Variants in NVL observed in about 807,000 individuals in gnomAD.
The protein encoded by NVL is nuclear VCP like, also known as nuclear valosin-containing protein-like.
A neutral mutation model predicts 110.2 loss-of-function variants in NVL; 84 were observed. That is an observed-to-expected ratio of 0.76 (90% confidence interval 0.64 to 0.91). NVL has a LOEUF of 0.91. Among genes scored for constraint, NVL ranks in the 40% least tolerant of loss-of-function variants. The pLI, the probability that NVL is intolerant of heterozygous loss-of-function variation, is 0.00. For synonymous variants in NVL, 354 were observed against 361.1 expected (o/e 0.98, Z 0.22); for missense variants, 882 against 1,035.9 (o/e 0.85, Z 2.04).
chr1:224,311,759 A>C, intron 5 of NVL, 41 bp downstream of exon 5: 1 of 1,539,664 alleles, frequency 6.5e-7, no homozygotes, highest in Non-Finnish European at 9.0e-7. Flanking sequence ...AACAACTAAA[A>C]AAGAAAAAAT....
At chr1:224,316,957 G>A (rs1351641678) in intron 4 of NVL, among the ~76,000 whole-genome samples, 1 of 151,948 alleles carries the variant, frequency 6.6e-6, no homozygotes, top group Non-Finnish European at 1.5e-5. Context: ...GGCCAACATG[G>A]TGAAACCCCG....
At chr1:224,233,373 T>G (rs946485218) in intron 20 of NVL, 84 bp from the exon 21 acceptor site, 4 of 957,980 alleles carry the variant, frequency 4.2e-6, no homozygotes, top group Non-Finnish European at 6.0e-6. Context: ...TTCATATAAG[T>G]CATATATTAA....
chr1:224,306,660 C>T (rs761882054), intron 6 of NVL, among the ~76,000 whole-genome samples: 3 of 152,046 alleles, frequency 2.0e-5, no homozygotes, highest in Non-Finnish European at 2.9e-5. Context: ...GGCCAAACGC[C>T]ATCTCTACAA....
intron 1 of NVL, among the ~76,000 whole-genome samples, chr1:224,329,575 T>C (rs1445229898): frequency 6.6e-6 from 1 of 152,238 alleles, no homozygotes; most frequent in East Asian, 1.9e-4. Context: ...TGCTTTTTAC[T>C]GATGGTCATG....
chr1:224,252,124 A>T (rs190390714), intron 18 of NVL, among the ~76,000 whole-genome samples: 99 of 151,998 alleles, frequency 6.5e-4, no homozygotes, highest in African/African-American at 2.2e-3. Flanking sequence ...TCCCTAAACA[A>T]TCCAGAAGCT....
chr1:224,255,077 G>A (rs1227483288), intron 18 of NVL, among the ~76,000 whole-genome samples: 1 of 150,864 alleles, frequency 6.6e-6, no homozygotes, highest in African/African-American at 2.4e-5. Context: ...TCACCATGTT[G>A]GCTAGGATGG....
At chr1:224,322,707 A>G (rs2102791266) in intron 2 of NVL, among the ~76,000 whole-genome samples, 1 of 152,300 alleles carries the variant, frequency 6.6e-6, no homozygotes. Flanking sequence ...TAATCCTAGC[A>G]TGTTGGGAGA....
chr1:224,305,128 T>C lies in NVL; in HGVS notation c.654A>G (p.Lys218=). The change falls in exon 7 of 23, where the codon AAA becomes AAG. Residue 218 remains lysine (K), a synonymous_variant. Transcript: ENST00000281701. ...CTTTATTCTTTAGCTTGCCTTTCCG[T>C]TTCATATCACTCTCCAAAAGAGAAG... ...KDSSLLESDM[K]RKGKLKNKGS... The C allele has an allele frequency of 6.2e-7, 1 of 1,613,568 alleles. No homozygotes were observed. Among genetic ancestry groups the C allele is most frequent in the Non-Finnish European group, 8.5e-7 (1 of 1,179,854 alleles).
At chr1:224,290,208 T>C (rs1163916530) in intron 12 of NVL, among the ~76,000 whole-genome samples, 1 of 152,226 alleles carries the variant, frequency 6.6e-6, no homozygotes, top group Admixed American at 6.5e-5. Context: ...TACCTATTGT[T>C]CATCCCCTGT....
At chr1:224,267,239 C>G (rs1664580259) in intron 18 of NVL, among the ~76,000 whole-genome samples, 1 of 152,118 alleles carries the variant, frequency 6.6e-6, no homozygotes, top group Non-Finnish European at 1.5e-5. Flanking sequence ...AAACAATTTT[C>G]AGTAATTATT....
At position 224,317,875 on chromosome 1, in the gene NVL, C is replaced by T; in HGVS notation, c.184+3G>A. The stretch of plus-strand genomic sequence containing the variant: ...ATAATTTAGCTCTAACAATAAGACT[C>T]ACCTTTTTCTACCTGAATCCTAAAA... On this transcript the variant is annotated splice_donor_region_variant and intron_variant, in intron 3 of 22. Coordinates refer to ENST00000281701, the MANE Select transcript of NVL (RefSeq NM_002533.4). 6.3e-7 allele frequency: 1 copy of T among 1,589,954 alleles called. No homozygotes were observed.
At position 224,246,881 on chromosome 1, in the gene NVL, CA is replaced by C. The variant is rs1235076833; in HGVS notation, c.2289+3330del. ...TAAAACCCCGTCTCTACTAAAAATA[CA>C]AAAAAAAAATTAGCAGAGTGTGGTG... On this transcript the variant is annotated intron_variant, in intron 19 of 22. Transcript: ENST00000281701. Among the ~76,000 whole-genome samples the C allele has an allele frequency of 1.9e-3, 278 of 148,966 alleles. 2 individuals carry two copies. The highest frequency in any genetic ancestry group is 7.2e-3 in the South Asian group (34 of 4,690).
At chr1:224,294,463 A>AAT (rs1558318693) in intron 11 of NVL, 52 bp from the exon 12 acceptor site, 2 of 1,567,846 alleles carry the variant, frequency 1.3e-6, no homozygotes, top group Admixed American at 3.4e-5. Flanking sequence ...CACTGACGGC[A>AAT]ATAATGGTTA....
chr1:224,292,939 G>T (rs904972965), intron 12 of NVL, among the ~76,000 whole-genome samples: 1 of 151,998 alleles, frequency 6.6e-6, no homozygotes, highest in Non-Finnish European at 1.5e-5. Flanking sequence ...ATTTTTAGTA[G>T]AGATGGGGTT....
In NVL at chr1:224,300,676, A is replaced by G; in HGVS notation, c.961-13T>C. Reference sequence around the variant, plus strand: ...GCAGGTCAAGTTCCTATGCAGACACATAAAAGAATAACCAAATATTCAAAT... The same window carrying G: ...GCAGGTCAAGTTCCTATGCAGACACGTAAAAGAATAACCAAATATTCAAAT... On this transcript the variant is annotated splice_polypyrimidine_tract_variant and intron_variant, in intron 9 of 22. Transcript: ENST00000281701. 6.3e-7 allele frequency: 1 copy of G among 1,589,670 alleles called. No homozygotes were observed. Among genetic ancestry groups the G allele is most frequent in the African/African-American group, 1.3e-5 (1 of 74,342 alleles).
intron 18 of NVL, among the ~76,000 whole-genome samples, chr1:224,265,569 T>C (rs1664422741): frequency 1.3e-5 from 2 of 152,072 alleles, no homozygotes; most frequent in Admixed American, 1.3e-4. Flanking sequence ...CTGTTAACGA[T>C]AGAATAGGTT....
intron 17 of NVL, chr1:224,269,765 T>C (rs76520950): frequency 7.4e-6 from 1 of 135,902 alleles, no homozygotes; most frequent in South Asian, 2.3e-4. Context: ...TTTTTTTTTT[T>C]GAGACAGGGG....
At chr1:224,227,751 T>A in intron 22 of NVL, 81 bp from the exon 23 acceptor site, 1 of 1,337,186 alleles carries the variant, frequency 7.5e-7, no homozygotes, top group Non-Finnish European at 1.1e-6. Flanking sequence ...ATTCACATGC[T>A]GCAGTCCGCA....
At chr1:224,246,867 C>T (rs1027006629) in intron 19 of NVL, among the ~76,000 whole-genome samples, 1 of 151,824 alleles carries the variant, frequency 6.6e-6, no homozygotes, top group Non-Finnish European at 1.5e-5. Flanking sequence ...AAAACCCCGT[C>T]TCTACTAAAA....
Sources: allele counts gnomAD v4.1 joint callset (sites outside exome capture counted in the v4.1 genomes callset), GRCh38; gene constraint gnomAD v4.1.1; transcripts MANE v1.5; gene names NCBI Gene and HGNC (gene_info 2026-07-23, HGNC 2026-07-21).